Variants in RBM17 observed in about 807,000 individuals in gnomAD.
RBM17 encodes the protein splicing factor 45.
RBM17 carries 7 observed loss-of-function variants against 53.2 expected under a neutral mutation model. The ratio of observed to expected loss-of-function variants is 0.13; its 90% CI spans 0.07 to 0.25. RBM17 has a LOEUF of 0.25. Among genes scored for constraint, RBM17 ranks in the 10% least tolerant of loss-of-function variants. RBM17 has a pLI of 1.00. For missense variants in RBM17, 257 were observed against 496.7 expected, an observed-to-expected ratio of 0.52 and a Z score of 4.59; for synonymous variants, 167 against 178.1, an observed-to-expected ratio of 0.94 and a Z score of 0.50.
At chr10:6,097,646 G>C (rs572550443) in intron 2 of RBM17, among the ~76,000 whole-genome samples, 1 of 152,372 alleles carries the variant, frequency 6.6e-6, no homozygotes, top group South Asian at 2.1e-4. Flanking sequence ...GCTCCAGCCT[G>C]AGCGACAGAG....
At chr10:6,093,968 A>ATTTTTT (rs71390121) in intron 1 of RBM17, among the ~76,000 whole-genome samples, 7 of 93,260 alleles carry the variant, frequency 7.5e-5, no homozygotes, top group East Asian at 2.9e-4. Flanking sequence ...CAAGTGTGGA[A>ATTTTTT]TTTTTTTTTT....
intron 7 of RBM17, 117 bp downstream of exon 7, chr10:6,110,244 G>T: frequency 2.4e-6 from 2 of 841,686 alleles, no homozygotes; most frequent in Non-Finnish European, 3.4e-6. Context: ...GGTGTGTGCA[G>T]GTCACACGGT....
At chr10:6,101,480 G>C in intron 3 of RBM17, 93 bp downstream of exon 3, 1 of 607,780 alleles carries the variant, frequency 1.6e-6, no homozygotes, top group Non-Finnish European at 2.7e-6. Flanking sequence ...TGGCCTCCTT[G>C]GTGGGCCTTT....
chr10:6,115,885 AAAAAAAAAAC>A lies in RBM17; in HGVS notation c.*330_*339del. ...CATTTCTTGCACTAAAAAAAAAAAA[AAAAAAAAAAC>A]TAGAAAGTTTTGGGACATGGGGTTA... On this transcript the variant is annotated 3_prime_UTR_variant, in exon 12 of 12. Coordinates refer to ENST00000379888, the MANE Select transcript of RBM17 (RefSeq NM_032905.5). The A allele has an allele frequency of 1.1e-5, 2 of 180,938 alleles. No homozygotes were observed. The highest frequency in any genetic ancestry group is 4.7e-5 in the African/African-American group (2 of 42,434). 11.2% of individuals were successfully genotyped at this position (180,938 alleles called of 1,614,324 possible). A position where few individuals can be genotyped will look rare whatever the true frequency, so the allele number is the denominator to read the frequency against.
chr10:6,101,957 A>G (rs1202942885), intron 3 of RBM17, among the ~76,000 whole-genome samples: 4 of 152,232 alleles, frequency 2.6e-5, no homozygotes, highest in African/African-American at 9.6e-5. Context: ...GATTTTACAT[A>G]TGCTTAAAAA....
intron 5 of RBM17, 79 bp downstream of exon 5, chr10:6,106,317 T>G: frequency 1.1e-6 from 1 of 935,552 alleles, no homozygotes; most frequent in Non-Finnish European, 1.7e-6. Context: ...TCTTTTCAGT[T>G]TGATAAATAG....
At chr10:6,102,600 G>A (rs568267263) in intron 3 of RBM17, among the ~76,000 whole-genome samples, 5 of 152,110 alleles carry the variant, frequency 3.3e-5, no homozygotes, top group African/African-American at 7.2e-5. Context: ...TTCTGTAATC[G>A]TGTATTGGTT....
chr10:6,099,186 CAT>C (rs1056268708), intron 2 of RBM17, among the ~76,000 whole-genome samples: 1 of 151,920 alleles, frequency 6.6e-6, no homozygotes, highest in African/African-American at 2.4e-5. Context: ...TGCCCGGCCT[CAT>C]ATAGATTTTT....
intron 4 of RBM17, 67 bp downstream of exon 4, chr10:6,105,164 G>A: frequency 3.5e-6 from 5 of 1,447,192 alleles, no homozygotes; most frequent in African/African-American, 1.4e-5. Context: ...TAACGAATGA[G>A]CGTCGCTGCT....
chr10:6,101,164 A>G (rs1281387402), intron 2 of RBM17, 107 bp from the exon 3 acceptor site: 10 of 537,024 alleles, frequency 1.9e-5, no homozygotes, highest in Admixed American at 7.6e-5. Context: ...TGGTTTTCTC[A>G]TATCTCAAAG....
At position 6,089,456 on chromosome 10, in the gene RBM17, C is replaced by CCTT. The variant is rs1028079846; in HGVS notation, c.-19+265_-19+266insTCT. 1.0e-4 allele frequency: 16 copies of CCTT among 154,364 alleles called. No individual in the cohort carries two copies. The highest frequency in any genetic ancestry group is 7.8e-4 in the Admixed American group (12 of 15,304). 9.6% of individuals were successfully genotyped at this position (154,364 alleles called of 1,614,324 possible). A position where few individuals can be genotyped will look rare whatever the true frequency, so the allele number is the denominator to read the frequency against. Reference sequence around the variant, plus strand: ...ACCTTCTCCCTCTTCCCTTCCTCCTCCTCCTCCTCATGTCTGCCTCGGGCT... The same window carrying CCTT: ...ACCTTCTCCCTCTTCCCTTCCTCCTCCTTCTCCTCCTCATGTCTGCCTCGGGCT... On this transcript the variant is annotated intron_variant, in intron 1 of 11. Transcript: ENST00000379888. The surrounding 1 kb of genome is among the most constrained non-coding windows in gnomAD (Gnocchi z 5.6).
intron 2 of RBM17, among the ~76,000 whole-genome samples, chr10:6,098,043 T>C (rs921720313): frequency 3.6e-4 from 8 of 22,142 alleles, no homozygotes; most frequent in African/African-American, 9.8e-4. Flanking sequence ...GTATTGGCAA[T>C]GTCCTTGAAA....
intron 1 of RBM17, among the ~76,000 whole-genome samples, chr10:6,095,465 A>G (rs539405168): frequency 3.6e-4 from 54 of 151,916 alleles, no homozygotes; most frequent in Middle Eastern, 3.4e-3. Context: ...CCGCCCACCT[A>G]TGCCTCCCAA....
chr10:6,097,245 G>T lies in RBM17; in HGVS notation c.123+57G>T, dbSNP rs1840590103. On this transcript the variant is annotated intron_variant, in intron 2 of 11. Transcript: ENST00000379888. The stretch of plus-strand genomic sequence containing the variant: ...GCCTCCAGAGTGGGTTCCTCATTAG[G>T]ATGACAAGGAATTTGGTTTCAGCTT... 5.1e-6 allele frequency: 8 copies of T among 1,572,682 alleles called. No homozygotes were observed. The South Asian group carries it at 9.1e-5, about 18-fold the overall frequency.
intron 3 of RBM17, among the ~76,000 whole-genome samples, chr10:6,103,579 G>A (rs1043497669): frequency 6.6e-6 from 1 of 152,120 alleles, no homozygotes; most frequent in Non-Finnish European, 1.5e-5. Flanking sequence ...TTTATAAAAT[G>A]AATACAAATG....
In RBM17 at chr10:6,104,960, G is replaced by A. The variant is rs1423709936; in HGVS notation, c.270G>A (p.Gly90=). 3 of 1,613,806 alleles carry A rather than the reference G, an allele frequency of 1.9e-6. No homozygotes were observed. Among genetic ancestry groups the A allele is most frequent in the Admixed American group, 3.3e-5 (2 of 59,992 alleles). Residue 90 remains glycine (G), a synonymous_variant, in exon 4 of 12, where the codon GGG becomes GGA. Coordinates refer to ENST00000379888, the MANE Select transcript of RBM17 (RefSeq NM_032905.5). ...CTGTTCCCAGTGGGTTTTCTGCAGGGGAAGTTCTGATTCCCTTAGCTGACG... is the reference window on the plus strand; with the variant it reads ...CTGTTCCCAGTGGGTTTTCTGCAGGAGAAGTTCTGATTCCCTTAGCTGACG... ...KDPVPSGFSA[G]EVLIPLADEY...
At chr10:6,108,420 T>A (rs2132950678) in intron 5 of RBM17, 1 of 459,550 alleles carries the variant, frequency 2.2e-6, no homozygotes, top group Admixed American at 4.3e-5. Context: ...GCCTTAAAAT[T>A]CATTTGCAGA....
intron 2 of RBM17, among the ~76,000 whole-genome samples, 188 bp downstream of exon 2, chr10:6,097,376 A>G (rs1840591747): frequency 6.6e-6 from 1 of 152,214 alleles, no homozygotes; most frequent in Non-Finnish European, 1.5e-5. Context: ...GAATAGGAAC[A>G]TTTCGTGGGG....
chr10:6,116,362 A>G lies in RBM17; in HGVS notation c.*806A>G, dbSNP rs918026712. 2.0e-5 allele frequency: 3 copies of G among 152,368 alleles called. No homozygotes were observed. Among genetic ancestry groups the G allele is most frequent in the African/African-American group, 7.2e-5 (3 of 41,460 alleles). The allele number at this position is 152,368 out of a possible 1,614,324, so 9.4% of individuals were successfully genotyped here. A position where few individuals can be genotyped will look rare whatever the true frequency, so the allele number is the denominator to read the frequency against. On this transcript the variant is annotated 3_prime_UTR_variant, in exon 12 of 12. Transcript: ENST00000379888. ...GGCAGTTCCTTGGGGTCATGTTTCT[A>G]CTGGCAAAATTTGCAATAGTGTTCT... is the stretch of plus-strand genomic sequence containing the variant.
Sources: gnomAD v4.1 joint callset for allele counts (sites outside exome capture counted in the v4.1 genomes callset) on GRCh38, gnomAD v4.1.1 for gene constraint, Gnocchi (gnomAD v3.1) non-coding constraint, MANE v1.5 for transcripts, NCBI Gene and HGNC (gene_info 2026-07-23, HGNC 2026-07-21) for gene names.